Variants in PPP1R12B observed in about 807,000 individuals in gnomAD.
PPP1R12B encodes the protein protein phosphatase 1 regulatory subunit 12B.
In PPP1R12B, 76 loss-of-function variants were observed where a neutral mutation model predicts 126.1. That is an observed-to-expected ratio of 0.60 (90% CI 0.50 to 0.73). The LOEUF (loss-of-function observed/expected upper bound fraction) is 0.73. Ranked by LOEUF, PPP1R12B falls within the 30% of genes least tolerant of loss-of-function variation. The pLI, the probability that PPP1R12B is intolerant of heterozygous loss-of-function variation, is 0.00. For missense variants in PPP1R12B, 1,052 were observed against 1,205.1 expected (o/e 0.87, Z 1.88); for synonymous variants, 356 against 434.7 (o/e 0.82, Z 2.25).
At chr1:202,439,587 C>T (rs1671342610) in intron 10 of PPP1R12B, 6 of 1,241,192 alleles carry the variant, frequency 4.8e-6, no homozygotes, top group Non-Finnish European at 6.9e-6. Context: ...GTGGCCGCCA[C>T]CCCCTCTGTA....
intron 8 of PPP1R12B, among the ~76,000 whole-genome samples, chr1:202,433,527 T>C (rs1230103831): frequency 2.0e-5 from 3 of 152,228 alleles, no homozygotes; most frequent in Admixed American, 6.5e-5. Flanking sequence ...CTTTTCATAA[T>C]CTAGCTCTAG....
At chr1:202,492,854 G>A (rs705742) in intron 14 of PPP1R12B, among the ~76,000 whole-genome samples, 82,820 of 151,960 alleles carry the variant, frequency 0.55, 23,091 homozygotes, top group East Asian at 0.71. Context: ...GCAGACATCA[G>A]TGTTGACCTA....
At chr1:202,409,639 C>T (rs910444141) in intron 1 of PPP1R12B, among the ~76,000 whole-genome samples, 2 of 152,016 alleles carry the variant, frequency 1.3e-5, no homozygotes, top group African/African-American at 4.8e-5. Flanking sequence ...AAAATATTTC[C>T]TTGCATGCTA....
chr1:202,436,777 C>A (rs1670877823), intron 9 of PPP1R12B, among the ~76,000 whole-genome samples: 1 of 151,854 alleles, frequency 6.6e-6, no homozygotes, highest in Non-Finnish European at 1.5e-5. Context: ...AAGAAAACAT[C>A]TTTCAGAATG....
At chr1:202,387,678 C>T (rs536698929) in intron 1 of PPP1R12B, among the ~76,000 whole-genome samples, 66 of 152,134 alleles carry the variant, frequency 4.3e-4, no homozygotes, top group African/African-American at 1.6e-3. Context: ...TGTTCAAAAA[C>T]AAACTCCCTA....
intron 18 of PPP1R12B, among the ~76,000 whole-genome samples, chr1:202,542,769 A>C (rs12033682): frequency 0.08 from 12,244 of 152,216 alleles, 1,039 homozygotes; most frequent in East Asian, 0.4. Flanking sequence ...TCTCTAGAAA[A>C]GTGGAAATGC....
At chr1:202,437,607 G>T (rs1336604007) in intron 9 of PPP1R12B, among the ~76,000 whole-genome samples, 1 of 152,168 alleles carries the variant, frequency 6.6e-6, no homozygotes, top group Admixed American at 6.5e-5. Flanking sequence ...AGAATCCGAG[G>T]CTATTTTTGG....
intron 3 of PPP1R12B, among the ~76,000 whole-genome samples, chr1:202,424,782 G>T (rs565326077): frequency 6.6e-6 from 1 of 152,270 alleles, no homozygotes; most frequent in South Asian, 2.1e-4. Context: ...AGATATTGGA[G>T]AGTTATTGGC....
At chr1:202,350,085 T>C (rs1339836594) in intron 1 of PPP1R12B, among the ~76,000 whole-genome samples, 4 of 152,212 alleles carry the variant, frequency 2.6e-5, no homozygotes, top group Non-Finnish European at 5.9e-5. Context: ...GCAAAGTGAA[T>C]GTATTGGCAT....
At chr1:202,491,115 C>T (rs1360855002) in intron 14 of PPP1R12B, among the ~76,000 whole-genome samples, 3 of 152,058 alleles carry the variant, frequency 2.0e-5, no homozygotes, top group Non-Finnish European at 4.4e-5. Context: ...ATATCCTCAC[C>T]AATATTTTTG....
chr1:202,382,367 A>T (rs1414831356), intron 1 of PPP1R12B, among the ~76,000 whole-genome samples: 1 of 152,032 alleles, frequency 6.6e-6, no homozygotes, highest in Non-Finnish European at 1.5e-5. Flanking sequence ...GCACATGTAT[A>T]CATATGTAAC....
intron 13 of PPP1R12B, among the ~76,000 whole-genome samples, chr1:202,470,335 G>A (rs1005039227): frequency 1.3e-5 from 2 of 151,680 alleles, no homozygotes; most frequent in Non-Finnish European, 2.9e-5. Context: ...TATGAACTAT[G>A]GTAATAAAAA....
chr1:202,462,115 A>G (rs1674382366), intron 13 of PPP1R12B, among the ~76,000 whole-genome samples: 1 of 152,192 alleles, frequency 6.6e-6, no homozygotes, highest in Non-Finnish European at 1.5e-5. Flanking sequence ...ACGATTGCAT[A>G]AATCTGAATA....
In PPP1R12B at chr1:202,415,079, C is replaced by T. The variant is rs373862066; in HGVS notation, c.292-1708C>T. ...CAGGCATAAGTTACCATGCCTGGCCCGAGGTGCTTTTTCCTAGAATCAACC... is the reference window on the plus strand; with the variant it reads ...CAGGCATAAGTTACCATGCCTGGCCTGAGGTGCTTTTTCCTAGAATCAACC... On this transcript the variant is annotated intron_variant, in intron 1 of 23. Transcript: ENST00000608999. Among the ~76,000 whole-genome samples, 100 of 152,124 alleles carry T rather than the reference C, an allele frequency of 6.6e-4. No individual in the cohort carries two copies. In the South Asian group the frequency reaches 0.011, roughly 17 times the overall value.
intron 19 of PPP1R12B, among the ~76,000 whole-genome samples, chr1:202,560,516 CTG>C (rs1216872342): frequency 6.6e-6 from 1 of 152,150 alleles, no homozygotes; most frequent in African/African-American, 2.4e-5. Flanking sequence ...CATTTGTAAG[CTG>C]TTATGGTGTT....
Position 202,425,764 on chromosome 1 carries a change from G to A in PPP1R12B, c.701+39G>A, listed in dbSNP as rs773131192. 6.4e-6 allele frequency: 10 copies of A among 1,563,226 alleles called. No homozygotes were observed. In the African/African-American group the frequency reaches 9.5e-5, roughly 15 times the overall value. Reference sequence around the variant, plus strand: ...ACATCAATCAGGAGTGGTTCACTGGGAGAAGATGGAATAGGTTTTGGAAGC... The same window carrying A: ...ACATCAATCAGGAGTGGTTCACTGGAAGAAGATGGAATAGGTTTTGGAAGC... On this transcript the variant is annotated intron_variant, in intron 4 of 23. Coordinates refer to ENST00000608999, the MANE Select transcript of PPP1R12B (RefSeq NM_002481.4).
chr1:202,463,040 C>G (rs1674516077), intron 13 of PPP1R12B: 1 of 985,198 alleles, frequency 1.0e-6, no homozygotes, highest in Non-Finnish European at 1.2e-6. Context: ...GATGCTAACT[C>G]CAGTGTGCTG....
In PPP1R12B at chr1:202,587,128, T is replaced by C. The variant is rs947115882; in HGVS notation, c.*6568T>C. 2.0e-5 allele frequency: 3 copies of C among 151,788 alleles called. No individual in the cohort carries two copies. Among genetic ancestry groups the C allele is most frequent in the African/African-American group, 7.3e-5 (3 of 41,034 alleles). The allele number at this position is 151,788 out of a possible 1,614,324, so 9.4% of individuals were successfully genotyped here. On this transcript the variant is annotated 3_prime_UTR_variant, in exon 24 of 24. Coordinates refer to ENST00000608999, the MANE Select transcript of PPP1R12B (RefSeq NM_002481.4). ...TTCTGTTATTTCTCCTCCAAATTTT[T>C]CCCTGATGTTTCCAATAAAGATTTA...
At position 202,482,675 on chromosome 1, in the gene PPP1R12B, T is replaced by G. The variant is rs79295899; in HGVS notation, c.1851-5858T>G. ...CAGATGTATAGTTTGCAAATTTTCT[T>G]TCCCATCCTTTAGGTTGTCTGTTTA... On this transcript the variant is annotated intron_variant, in intron 13 of 23. Transcript: ENST00000608999. 3.2e-3 allele frequency among the ~76,000 whole-genome samples: 486 copies of G among 152,342 alleles called. 4 individuals are homozygous for G. Among genetic ancestry groups the G allele is most frequent in the African/African-American group, 0.011 (465 of 41,596 alleles).
Sources: allele counts gnomAD v4.1 joint callset (sites outside exome capture counted in the v4.1 genomes callset), GRCh38; gene constraint gnomAD v4.1.1; transcripts MANE v1.5; gene names NCBI Gene and HGNC (gene_info 2026-07-23, HGNC 2026-07-21).